Variants in PDE7B observed in about 807,000 individuals in gnomAD.
The protein encoded by PDE7B is phosphodiesterase 7B.
A neutral mutation model predicts 56.2 loss-of-function variants in PDE7B; 29 were observed. The ratio of observed to expected loss-of-function variants is 0.52; its 90% confidence interval spans 0.38 to 0.70. The LOEUF (loss-of-function observed/expected upper bound fraction) is 0.70, where lower values mean the gene tolerates loss of function less well. Ranked by LOEUF, PDE7B falls within the 30% of genes least tolerant of loss-of-function variation. The probability of loss-of-function intolerance (pLI) is 0.00; values close to 1 mark genes in which losing one functional copy is unlikely to be tolerated. For missense variants in PDE7B, 490 were observed against 565.0 expected (o/e 0.87, Z 1.35); for synonymous variants, 197 against 196.9 (o/e 1.00, Z 0.00).
At chr6:136,142,508 C>G (rs1778344535) in intron 3 of PDE7B, among the ~76,000 whole-genome samples, 1 of 152,210 alleles carries the variant, frequency 6.6e-6, no homozygotes, top group East Asian at 1.9e-4. Context: ...CCTGGATATC[C>G]TTGTTAACTT....
rs553467053 is a variant in PDE7B at position 135,906,034 on chromosome 6, A to T, written c.22-41430A>T. ...ACTTCAGCCCGGTTTTTTCAATTGG[A>T]CGCTGCTGTTTCAAAAGTACAACCT... On this transcript the variant is annotated intron_variant, in intron 1 of 12. Coordinates refer to ENST00000308191, the MANE Select transcript of PDE7B (RefSeq NM_018945.4). Among the ~76,000 whole-genome samples, 3 of 152,168 alleles carry T rather than the reference A, an allele frequency of 2.0e-5. No individual in the cohort carries two copies. In the South Asian group the frequency reaches 6.2e-4, roughly 32 times the overall value.
At chr6:135,954,735 T>A (rs1473305542) in intron 2 of PDE7B, among the ~76,000 whole-genome samples, 2 of 152,220 alleles carry the variant, frequency 1.3e-5, no homozygotes, top group African/African-American at 2.4e-5. Flanking sequence ...GAAAATTTTT[T>A]CACCTTGAGG....
chr6:135,869,788 A>C (rs977491792), intron 1 of PDE7B, among the ~76,000 whole-genome samples: 8 of 152,200 alleles, frequency 5.3e-5, no homozygotes, highest in African/African-American at 1.9e-4. Flanking sequence ...CTGGAAAAAG[A>C]GTGATCCCGG....
chr6:135,931,947 GCGCGCGCACA>G (rs1156993008), intron 1 of PDE7B, among the ~76,000 whole-genome samples: 12 of 45,622 alleles, frequency 2.6e-4, no homozygotes, highest in South Asian at 8.5e-4. Flanking sequence ...ACACACACAC[GCGCGCGCACA>G]CACACACACA....
intron 2 of PDE7B, among the ~76,000 whole-genome samples, chr6:136,033,687 C>T (rs570738302): frequency 6.6e-6 from 1 of 152,244 alleles, no homozygotes; most frequent in Non-Finnish European, 1.5e-5. Flanking sequence ...TAGACTAAGT[C>T]GTTTTTCCTA....
Position 136,192,771 on chromosome 6 carries a change from T to TATTA in PDE7B, c.*934_*937dup, listed in dbSNP as rs2128453016. The TATTA allele has an allele frequency of 6.5e-6, 1 of 152,776 alleles. No homozygotes were observed. The highest frequency in any genetic ancestry group is 1.5e-5 in the Non-Finnish European group (1 of 68,034). 9.5% of individuals were successfully genotyped at this position (152,776 alleles called of 1,614,324 possible). On this transcript the variant is annotated 3_prime_UTR_variant, in exon 13 of 13. Transcript: ENST00000308191. Reference sequence around the variant, plus strand: ...GCATTTGTAAATATGGTATAGAGTTTATTAATATACTATTGTTTGCAGATA... The same window carrying TATTA: ...GCATTTGTAAATATGGTATAGAGTTTATTAATTAATATACTATTGTTTGCAGATA...
At chr6:136,121,016 G>GA (rs2128443343) in intron 3 of PDE7B, among the ~76,000 whole-genome samples, 1 of 152,136 alleles carries the variant, frequency 6.6e-6, no homozygotes, top group East Asian at 1.9e-4. Context: ...TCTCCTTCCT[G>GA]AACTCATTTG....
intron 1 of PDE7B, among the ~76,000 whole-genome samples, chr6:135,935,346 G>T (rs1774404214): frequency 6.7e-6 from 1 of 149,754 alleles, no homozygotes; most frequent in African/African-American, 2.5e-5. Flanking sequence ...TAGATTCACT[G>T]CATGGCCTCA....
In PDE7B at chr6:136,000,510, T is replaced by C. The variant is rs554419560; in HGVS notation, c.82+52986T>C. 2.9e-3 allele frequency among the ~76,000 whole-genome samples: 445 copies of C among 152,272 alleles called. 2 individuals carry two copies. The highest frequency in any genetic ancestry group is 9.8e-3 in the African/African-American group (408 of 41,550). On this transcript the variant is annotated intron_variant, in intron 2 of 12. Coordinates refer to ENST00000308191, the MANE Select transcript of PDE7B (RefSeq NM_018945.4). ...AGCACCATTTATTGAATAGTGAGTC[T>C]TTTCCCCTGTCTTGTTTTTGTCAGA...
chr6:135,872,728 G>A (rs1332915110), intron 1 of PDE7B, among the ~76,000 whole-genome samples: 2 of 152,260 alleles, frequency 1.3e-5, no homozygotes, highest in South Asian at 2.1e-4. Context: ...ATTAACTGAA[G>A]TCTATTATGG....
chr6:135,955,744 TG>T (rs1448658108), intron 2 of PDE7B, among the ~76,000 whole-genome samples: 1 of 152,092 alleles, frequency 6.6e-6, no homozygotes, highest in African/African-American at 2.4e-5. Flanking sequence ...CTACCTGAAT[TG>T]AGACAGTGTC....
At chr6:136,069,477 G>C (rs1460236766) in intron 2 of PDE7B, among the ~76,000 whole-genome samples, 1 of 152,174 alleles carries the variant, frequency 6.6e-6, no homozygotes, top group Non-Finnish European at 1.5e-5. Flanking sequence ...CCTTGAAATT[G>C]TACAGTTCAA....
At chr6:135,907,207 G>A (rs1204548910) in intron 1 of PDE7B, among the ~76,000 whole-genome samples, 1 of 152,230 alleles carries the variant, frequency 6.6e-6, no homozygotes, top group Middle Eastern at 3.4e-3. Context: ...CAGGATTTAG[G>A]AGTCAGCCAA....
intron 3 of PDE7B, among the ~76,000 whole-genome samples, chr6:136,132,608 T>C (rs1335715115): frequency 6.6e-6 from 1 of 152,156 alleles, no homozygotes; most frequent in East Asian, 1.9e-4. Context: ...GTAAATTACC[T>C]AGTAGGTGCT....
chr6:135,987,515 C>G (rs533159854), intron 2 of PDE7B, among the ~76,000 whole-genome samples: 2 of 152,080 alleles, frequency 1.3e-5, no homozygotes, highest in African/African-American at 4.8e-5. Context: ...TGGAGGCCAC[C>G]AGAACTGAGC....
intron 3 of PDE7B, among the ~76,000 whole-genome samples, chr6:136,130,670 G>A (rs1413016145): frequency 6.6e-6 from 1 of 152,150 alleles, no homozygotes; most frequent in Non-Finnish European, 1.5e-5. Context: ...GGTAGTTGAG[G>A]ACAGAAACAC....
At chr6:136,085,519 C>T (rs146434716) in intron 2 of PDE7B, among the ~76,000 whole-genome samples, 64 of 152,208 alleles carry the variant, frequency 4.2e-4, no homozygotes, top group African/African-American at 1.4e-3. Flanking sequence ...TTCTAATGTG[C>T]CGGAGGGGGC....
chr6:136,063,274 C>G (rs1165273934), intron 2 of PDE7B, among the ~76,000 whole-genome samples: 1 of 152,132 alleles, frequency 6.6e-6, no homozygotes, highest in Non-Finnish European at 1.5e-5. Context: ...ATCTGATTAA[C>G]CAGACCCATG....
chr6:136,160,602 A>G (rs1017914808), intron 8 of PDE7B, among the ~76,000 whole-genome samples: 9 of 152,072 alleles, frequency 5.9e-5, no homozygotes, highest in African/African-American at 1.9e-4. Flanking sequence ...CCCTTTTTCC[A>G]CTATGAAGAC....
Sources: gnomAD v4.1 joint callset for allele counts (sites outside exome capture counted in the v4.1 genomes callset) on GRCh38, gnomAD v4.1.1 for gene constraint, MANE v1.5 for transcripts, NCBI Gene and HGNC (gene_info 2026-07-23, HGNC 2026-07-21) for gene names.